XPNPEP1: variants seen among roughly 807,000 people sequenced by gnomAD.
XPNPEP1 encodes xaa-Pro aminopeptidase 1.
A neutral mutation model predicts 92.4 loss-of-function variants in XPNPEP1; 39 were observed. The observed-to-expected ratio is 0.42, with a 90% CI of 0.33 to 0.55. The LOEUF is 0.55. Ranked by LOEUF, XPNPEP1 falls within the 20% of genes least tolerant of loss-of-function variation. The probability of loss-of-function intolerance (pLI) is 0.08; values close to 1 mark genes in which losing one functional copy is unlikely to be tolerated. For missense variants in XPNPEP1, 654 were observed against 856.1 expected (o/e 0.76, Z 2.95); for synonymous variants, 307 against 299.4 (o/e 1.03, Z -0.26).
At chr10:109,865,858 C>G (rs1279166552) in intron 20 of XPNPEP1, among the ~76,000 whole-genome samples, 2 of 152,148 alleles carry the variant, frequency 1.3e-5, no homozygotes, top group Non-Finnish European at 2.9e-5. Flanking sequence ...TGGGAGTAAA[C>G]TTAGTTTTCA....
chr10:109,866,036 A>C (rs959560127), intron 20 of XPNPEP1, among the ~76,000 whole-genome samples: 1 of 152,112 alleles, frequency 6.6e-6, no homozygotes, highest in Non-Finnish European at 1.5e-5. Flanking sequence ...TATACGGGAA[A>C]AGGTGAAGTC....
rs556345867 is a variant in XPNPEP1, at chr10:109,923,321, C to A, written c.32+81G>T. The A allele has an allele frequency of 1.3e-5, 17 of 1,335,884 alleles. No homozygotes were observed. The South Asian group carries it at 2.1e-4, about 16-fold the overall frequency. 82.8% of individuals were successfully genotyped at this position (1,335,884 alleles called of 1,614,324 possible). On this transcript the variant is annotated intron_variant, in intron 1 of 20. Coordinates refer to ENST00000502935, the MANE Select transcript of XPNPEP1 (RefSeq NM_020383.4). ...CGGGCTCCTCACCCGCGCGTCCCTG[C>A]CCGCCGAGGTGCAACACGCGCGGCC...
chr10:109,887,106 C>T (rs973753475), intron 7 of XPNPEP1, among the ~76,000 whole-genome samples: 1 of 152,112 alleles, frequency 6.6e-6, no homozygotes. Context: ...CTCAGCACCT[C>T]GCACAGCATC....
intron 3 of XPNPEP1, among the ~76,000 whole-genome samples, chr10:109,903,262 G>A (rs887674551): frequency 1.3e-5 from 2 of 152,168 alleles, no homozygotes; most frequent in African/African-American, 2.4e-5. Context: ...TTAGCAGGTC[G>A]AATCTTTCTG....
At chr10:109,901,418 A>G (rs1478744397) in intron 3 of XPNPEP1, among the ~76,000 whole-genome samples, 2 of 152,212 alleles carry the variant, frequency 1.3e-5, no homozygotes. Context: ...AATTTAAAAA[A>G]AGATTTCCAT....
chr10:109,906,605 C>A (rs1849572531), intron 3 of XPNPEP1, among the ~76,000 whole-genome samples: 1 of 152,136 alleles, frequency 6.6e-6, no homozygotes, highest in South Asian at 2.1e-4. Flanking sequence ...TTTTATTGCT[C>A]AAGGTATCTC....
At position 109,877,800 on chromosome 10, in the gene XPNPEP1, T is replaced by C; in HGVS notation, c.1309A>G (p.Ile437Val). Residue 437 changes from isoleucine to valine, a missense_variant, in exon 14 of 21, where the codon ATT (isoleucine) becomes GTT (valine). Transcript: ENST00000502935. ...CTCCGCATGCCTTACGCGTAGTGAA[T>C]GATGGCGCCGTTGGGTCCCGTACTG... ...ISSTGPNGAIIHYAPVPETNR... is the reference protein window; with the variant it reads ...ISSTGPNGAIVHYAPVPETNR... 2 of 1,614,234 alleles carry C rather than the reference T, an allele frequency of 1.2e-6. No homozygotes were observed. The highest frequency in any genetic ancestry group is 8.5e-7 in the Non-Finnish European group (1 of 1,180,034).
At chr10:109,921,918 T>C (rs1302092790) in intron 1 of XPNPEP1, among the ~76,000 whole-genome samples, 1 of 152,190 alleles carries the variant, frequency 6.6e-6, no homozygotes. Flanking sequence ...ACTTCTCTGC[T>C]GGGGCTGTCA....
chr10:109,919,469 T>A (rs375892423), intron 1 of XPNPEP1, among the ~76,000 whole-genome samples: 1 of 152,098 alleles, frequency 6.6e-6, no homozygotes, highest in Non-Finnish European at 1.5e-5. Flanking sequence ...ATAAAAAAGA[T>A]TGACAGTAAC....
chr10:109,917,557 T>C (rs1340324859), intron 1 of XPNPEP1, among the ~76,000 whole-genome samples: 4 of 152,216 alleles, frequency 2.6e-5, no homozygotes, highest in South Asian at 2.1e-4. Context: ...AATTCCCAAA[T>C]TGATCTATGG....
intron 15 of XPNPEP1, among the ~76,000 whole-genome samples, chr10:109,873,819 T>C (rs1296077305): frequency 6.6e-6 from 1 of 152,242 alleles, no homozygotes; most frequent in African/African-American, 2.4e-5. Flanking sequence ...AATGGAATAC[T>C]GATACATGCT....
chr10:109,917,265 A>G (rs1850245600), intron 1 of XPNPEP1, among the ~76,000 whole-genome samples: 1 of 152,264 alleles, frequency 6.6e-6, no homozygotes, highest in South Asian at 2.1e-4. Context: ...AATTAGAACT[A>G]ATAACTGAGT....
intron 10 of XPNPEP1, among the ~76,000 whole-genome samples, chr10:109,881,928 C>G (rs1848123135): frequency 6.6e-6 from 1 of 152,176 alleles, no homozygotes. Flanking sequence ...CTCAAGTGTC[C>G]TTAGCTATAA....
chr10:109,866,835 A>T lies in XPNPEP1; in HGVS notation c.1873-1523T>A, dbSNP rs755175662. ...CTGCCCTACAAAGAGTAACTGGCCG[A>T]AAGAATAGTTCAATCATGTGGGCAT... On this transcript the variant is annotated intron_variant, in intron 20 of 20. Transcript: ENST00000502935. Among the ~76,000 whole-genome samples, 43 of 152,280 alleles carry T rather than the reference A, an allele frequency of 2.8e-4. 1 individual carries two copies. The highest frequency in any genetic ancestry group is 2.7e-3 in the Admixed American group (41 of 15,294).
At chr10:109,906,549 A>G (rs1040697463) in intron 3 of XPNPEP1, among the ~76,000 whole-genome samples, 1 of 152,162 alleles carries the variant, frequency 6.6e-6, no homozygotes, top group Non-Finnish European at 1.5e-5. Context: ...CACAATCTGG[A>G]GTTGTGCCAA....
At chr10:109,899,389 A>G (rs1341869243) in intron 3 of XPNPEP1, among the ~76,000 whole-genome samples, 1 of 152,156 alleles carries the variant, frequency 6.6e-6, no homozygotes, top group Non-Finnish European at 1.5e-5. Flanking sequence ...TGGTGGTACT[A>G]TGGGATGGAA....
chr10:109,882,164 C>T (rs1181474386), intron 10 of XPNPEP1, among the ~76,000 whole-genome samples: 1 of 152,158 alleles, frequency 6.6e-6, no homozygotes, highest in Non-Finnish European at 1.5e-5. Context: ...ATGCTAAATG[C>T]TGTTAAAACA....
At position 109,893,028 on chromosome 10, in the gene XPNPEP1, T is replaced by G. The variant is rs937053884; in HGVS notation, c.294A>C (p.Gly98=). 9 of 1,613,800 alleles carry G rather than the reference T, an allele frequency of 5.6e-6. No individual in the cohort carries two copies. Among genetic ancestry groups the G allele is most frequent in the African/African-American group, 1.3e-5 (1 of 75,032 alleles). ...PCDCRRAFVS[G]FDGSAGTAII... ...GTGACTCACCCGCAGAGCCATCGAA[T>G]CCAGAGACAAAAGCCCGCCGACAGT... Residue 98 remains glycine (G), a synonymous_variant, in exon 4 of 21, where the codon GGA becomes GGC. Transcript: ENST00000502935.
At chr10:109,873,676 C>A in intron 15 of XPNPEP1, 1 of 502,232 alleles carries the variant, frequency 2.0e-6, no homozygotes. Flanking sequence ...AAAACTTGTA[C>A]ATGAAGGTTC....
Sources: gnomAD v4.1 joint callset for allele counts (sites outside exome capture counted in the v4.1 genomes callset) on GRCh38, gnomAD v4.1.1 for gene constraint, MANE v1.5 for transcripts, NCBI Gene and HGNC (gene_info 2026-07-23, HGNC 2026-07-21) for gene names.